The following KCNQ5 variants were observed in gnomAD, a reference collection of about 807,000 sequenced individuals.
KCNQ5 encodes potassium voltage-gated channel subfamily KQT member 5.
In KCNQ5, 30 loss-of-function variants were observed where a neutral mutation model predicts 98.2. The ratio of observed to expected loss-of-function variants is 0.31; its 90% CI spans 0.23 to 0.41. The LOEUF (loss-of-function observed/expected upper bound fraction) is 0.41. Among genes scored for constraint, KCNQ5 ranks in the 10% least tolerant of loss-of-function variants. The probability of loss-of-function intolerance (pLI) is 1.00; values close to 1 mark genes in which losing one functional copy is unlikely to be tolerated. For missense variants in KCNQ5, 835 were observed against 1,182.5 expected (o/e 0.71, Z 4.31); for synonymous variants, 458 against 449.4 (o/e 1.02, Z -0.24).
chr6:72,756,580 G>A (rs1053964767), intron 1 of KCNQ5, among the ~76,000 whole-genome samples: 1 of 152,082 alleles, frequency 6.6e-6, no homozygotes, highest in Admixed American at 6.5e-5. Context: ...TAACCCCAAA[G>A]GGTCTATTTC....
chr6:72,645,218 A>AG (rs1392385899), intron 1 of KCNQ5, among the ~76,000 whole-genome samples: 1 of 147,068 alleles, frequency 6.8e-6, no homozygotes, highest in Non-Finnish European at 1.5e-5. Context: ...AAAAAACAAA[A>AG]AAAAACAAAA....
intron 1 of KCNQ5, among the ~76,000 whole-genome samples, chr6:72,724,649 A>C (rs1018323248): frequency 6.6e-6 from 1 of 152,174 alleles, no homozygotes; most frequent in East Asian, 1.9e-4. Flanking sequence ...ACTATAAAAC[A>C]TGTGCTCTCT....
At chr6:72,877,175 G>A (rs947728908) in intron 1 of KCNQ5, among the ~76,000 whole-genome samples, 10 of 151,878 alleles carry the variant, frequency 6.6e-5, no homozygotes, top group South Asian at 6.2e-4. Context: ...TTTAAGCCCC[G>A]CATGCATTAG....
intron 9 of KCNQ5, among the ~76,000 whole-genome samples, chr6:73,128,137 C>T (rs904515591): frequency 6.6e-6 from 1 of 152,196 alleles, no homozygotes; most frequent in African/African-American, 2.4e-5. Flanking sequence ...CTCAACTGAG[C>T]AATAGTGAAA....
intron 1 of KCNQ5, among the ~76,000 whole-genome samples, chr6:72,742,646 G>A (rs1473211815): frequency 3.9e-5 from 6 of 152,042 alleles, no homozygotes; most frequent in South Asian, 2.1e-4. Flanking sequence ...ATGCAATAAC[G>A]GTTGCACCTG....
intron 3 of KCNQ5, among the ~76,000 whole-genome samples, chr6:73,054,380 C>T (rs1371197258): frequency 6.6e-6 from 1 of 152,028 alleles, no homozygotes; most frequent in Admixed American, 6.6e-5. Context: ...GGCAGGGACA[C>T]AACAACAACA....
At chr6:72,667,196 A>G (rs1766867145) in intron 1 of KCNQ5, among the ~76,000 whole-genome samples, 1 of 152,182 alleles carries the variant, frequency 6.6e-6, no homozygotes, top group Non-Finnish European at 1.5e-5. Context: ...AGCTCAGCTC[A>G]AAAATTGGAT....
rs1778049812 is a variant in KCNQ5, at chr6:73,172,554, T to C, written c.1577+2700T>C. Among the ~76,000 whole-genome samples, 6 of 152,186 alleles carry C rather than the reference T, an allele frequency of 3.9e-5. No individual in the cohort carries two copies. The South Asian group carries it at 1.2e-3, about 31-fold the overall frequency. On this transcript the variant is annotated intron_variant, in intron 11 of 13. Coordinates refer to ENST00000370398, the MANE Select transcript of KCNQ5 (RefSeq NM_019842.4). ...CTAAAAAGAAGTTTGCAGGTATAAGTCCTAAATCTTATGCAGAAGGGTTCT... is the reference window on the plus strand; with the variant it reads ...CTAAAAAGAAGTTTGCAGGTATAAGCCCTAAATCTTATGCAGAAGGGTTCT...
intron 4 of KCNQ5, 23 bp downstream of exon 4, chr6:73,077,520 A>G (rs1437004568): frequency 1.9e-6 from 3 of 1,588,752 alleles, no homozygotes; most frequent in Non-Finnish European, 2.6e-6. Context: ...CTCTGAATTT[A>G]AAAACACAAT....
At chr6:73,058,729 C>A (rs1001102242) in intron 3 of KCNQ5, among the ~76,000 whole-genome samples, 1 of 152,076 alleles carries the variant, frequency 6.6e-6, no homozygotes, top group Admixed American at 6.6e-5. Flanking sequence ...AAAAAACAAA[C>A]AACACCATTA....
At chr6:72,693,776 G>GGA in intron 1 of KCNQ5, among the ~76,000 whole-genome samples, 1 of 152,212 alleles carries the variant, frequency 6.6e-6, no homozygotes, top group African/African-American at 2.4e-5. Context: ...GATTTAATTT[G>GGA]GAGAGAGACA....
At position 72,622,558 on chromosome 6, in the gene KCNQ5, C is replaced by T; in HGVS notation, c.369C>T (p.Arg123=). The T allele has an allele frequency of 6.2e-7, 1 of 1,612,550 alleles. No individual in the cohort carries two copies. The highest frequency in any genetic ancestry group is 8.5e-7 in the Non-Finnish European group (1 of 1,179,524). The change falls in exon 1 of 14, where the codon CGC becomes CGT. Residue 123 remains arginine (R), a synonymous_variant. Transcript: ENST00000370398. The surrounding 1 kb of genome is among the most constrained non-coding windows in gnomAD (Gnocchi z 6.0). ...NYLYNVLERP[R]GWAFIYHAFV... ...TGTACAACGTGCTGGAGAGACCCCG[C>T]GGCTGGGCGTTCATCTACCACGCTT... is the stretch of plus-strand genomic sequence containing the variant.
chr6:73,061,647 A>G (rs1051098554), intron 3 of KCNQ5, among the ~76,000 whole-genome samples: 12 of 152,116 alleles, frequency 7.9e-5, no homozygotes, highest in Non-Finnish European at 1.3e-4. Flanking sequence ...ACTCACGAAA[A>G]ACTCTGTTCT....
chr6:72,905,266 C>CTCCCT (rs1229604075), intron 1 of KCNQ5, among the ~76,000 whole-genome samples: 1 of 152,052 alleles, frequency 6.6e-6, no homozygotes, highest in African/African-American at 2.4e-5. Context: ...TTGAATATTT[C>CTCCCT]TCCCTTCACT....
intron 1 of KCNQ5, among the ~76,000 whole-genome samples, chr6:72,983,593 T>C (rs911561392): frequency 6.6e-5 from 10 of 152,204 alleles, no homozygotes; most frequent in African/African-American, 2.4e-4. Flanking sequence ...TCAAGGTTTT[T>C]AGCTTCCTTG....
At chr6:72,945,806 A>AT (rs1766517438) in intron 1 of KCNQ5, among the ~76,000 whole-genome samples, 1 of 152,058 alleles carries the variant, frequency 6.6e-6, no homozygotes, top group South Asian at 2.1e-4. Flanking sequence ...TAACATATCC[A>AT]TTTTTCTTTA....
chr6:73,148,738 T>C (rs1204658602), intron 10 of KCNQ5, among the ~76,000 whole-genome samples: 1 of 152,186 alleles, frequency 6.6e-6, no homozygotes, highest in Non-Finnish European at 1.5e-5. Context: ...CTATTTCTGA[T>C]GTGACTGTAA....
rs1193190941 is a variant in KCNQ5, at chr6:72,823,533, C to T, written c.399-180375C>T. Reference sequence around the variant, plus strand: ...TTACTATGCCTATGTGTTTTTTCAGCGTTAGTATTTGAACATAAACACTTT... The same window carrying T: ...TTACTATGCCTATGTGTTTTTTCAGTGTTAGTATTTGAACATAAACACTTT... On this transcript the variant is annotated intron_variant, in intron 1 of 13. Transcript: ENST00000370398. Among the ~76,000 whole-genome samples, 3 of 152,062 alleles carry T rather than the reference C, an allele frequency of 2.0e-5. No homozygotes were observed. The South Asian group carries it at 6.2e-4, about 32-fold the overall frequency.
intron 1 of KCNQ5, among the ~76,000 whole-genome samples, chr6:72,733,169 C>T (rs932263607): frequency 6.6e-6 from 1 of 151,792 alleles, no homozygotes; most frequent in Admixed American, 6.6e-5. Context: ...GACTAAGCCA[C>T]GGTGAGTAGG....
Sources: gnomAD v4.1 joint callset for allele counts (sites outside exome capture counted in the v4.1 genomes callset) on GRCh38, gnomAD v4.1.1 for gene constraint, Gnocchi (gnomAD v3.1) non-coding constraint, MANE v1.5 for transcripts, NCBI Gene and HGNC (gene_info 2026-07-23, HGNC 2026-07-21) for gene names.